PPP2R2B: variants seen among roughly 807,000 people sequenced by gnomAD.
The protein encoded by PPP2R2B is protein phosphatase 2 regulatory subunit Bbeta, also known as serine/threonine-protein phosphatase 2A 55 kDa regulatory subunit B beta isoform.
A neutral mutation model predicts 46.0 loss-of-function variants in PPP2R2B; 5 were observed. That is an observed-to-expected ratio of 0.11 (90% CI 0.06 to 0.23). PPP2R2B has a LOEUF of 0.23. Among genes scored for constraint, PPP2R2B ranks in the 10% least tolerant of loss-of-function variants. The pLI is 1.00. For missense variants in PPP2R2B, 367 were observed against 575.0 expected, an observed-to-expected ratio of 0.64 and a Z score of 3.70; for synonymous variants, 215 against 206.7, an observed-to-expected ratio of 1.04 and a Z score of -0.34.
At chr5:146,658,897 TTA>T (rs927290477) in intron 5 of PPP2R2B, among the ~76,000 whole-genome samples, 1 of 152,222 alleles carries the variant, frequency 6.6e-6, no homozygotes, top group African/African-American at 2.4e-5. Flanking sequence ...TTTGTCAGAA[TTA>T]TATGTTTATG....
intron 2 of PPP2R2B, among the ~76,000 whole-genome samples, chr5:146,732,318 G>A (rs950160538): frequency 9.9e-5 from 15 of 152,170 alleles, no homozygotes; most frequent in Admixed American, 9.8e-4. Context: ...TAATACAAGT[G>A]CTATAGCACT....
At chr5:146,879,290 G>A (rs968402778), upstream of PPP2R2B, 3 of 150,966 alleles carry the variant, frequency 2.0e-5, no homozygotes, top group African/African-American at 7.5e-5. Flanking sequence ...CTTTGCAACT[G>A]GTTCCCCCAT....
chr5:146,722,516 T>C (rs1780870080), intron 2 of PPP2R2B, among the ~76,000 whole-genome samples: 1 of 152,182 alleles, frequency 6.6e-6, no homozygotes, highest in African/African-American at 2.4e-5. Context: ...CCTGGCTGCT[T>C]TGCACAGCCC....
chr5:146,604,798 G>A lies in PPP2R2B; in HGVS notation c.791-4338C>T, dbSNP rs74516470. Among the ~76,000 whole-genome samples the A allele has an allele frequency of 7.9e-3, 1,210 of 152,316 alleles. 21 individuals are homozygous for A. Among genetic ancestry groups the A allele is most frequent in the African/African-American group, 0.027 (1,142 of 41,556 alleles). ...AGGATCATGCAGCTAGGCAGTGGTA[G>A]AGATGGGCTCTTGACTCTGCCCATC... is the stretch of plus-strand genomic sequence containing the variant. On this transcript the variant is annotated intron_variant, in intron 7 of 9. Coordinates refer to ENST00000394411, the MANE Select transcript of PPP2R2B (RefSeq NM_181675.4).
chr5:146,668,782 T>G (rs1351279166), intron 5 of PPP2R2B, among the ~76,000 whole-genome samples: 1 of 152,238 alleles, frequency 6.6e-6, no homozygotes, highest in Non-Finnish European at 1.5e-5. Flanking sequence ...CTTCAAGTTT[T>G]CAAGGTTGTC....
At position 146,912,188 on chromosome 5, in the gene PPP2R2B, G is replaced by A. The variant is rs138786752; in HGVS notation, c.79+143477C>T. Among the ~76,000 whole-genome samples the A allele has an allele frequency of 5.7e-3, 801 of 140,778 alleles. 23 individuals are homozygous for A. The East Asian group carries it at 0.067, about 12-fold the overall frequency. The allele number at this position is 140,778 out of a possible 152,430, so 92.4% of individuals were successfully genotyped here. Reference sequence around the variant, plus strand: ...TCGGAGGTGGAGGTTGCAGTGAGCCGAGATCGCGCCACTGCACTCCAGCCT... The same window carrying A: ...TCGGAGGTGGAGGTTGCAGTGAGCCAAGATCGCGCCACTGCACTCCAGCCT... On this transcript the variant is annotated intron_variant, in intron 1 of 8. Coordinates refer to the PPP2R2B transcript ENST00000336640.
At chr5:146,770,522 G>A (rs766565286) in intron 2 of PPP2R2B, among the ~76,000 whole-genome samples, 2 of 152,026 alleles carry the variant, frequency 1.3e-5, no homozygotes, top group African/African-American at 2.4e-5. Flanking sequence ...TTGGGAAAAT[G>A]TATTAAAAAT....
chr5:146,603,262 C>T (rs1328686601), intron 7 of PPP2R2B, among the ~76,000 whole-genome samples: 1 of 152,210 alleles, frequency 6.6e-6, no homozygotes, highest in Non-Finnish European at 1.5e-5. Context: ...CCAAGGAGTA[C>T]AGAACCTGCG....
At chr5:146,812,019 A>C (rs1022726638) in intron 2 of PPP2R2B, among the ~76,000 whole-genome samples, 2 of 151,978 alleles carry the variant, frequency 1.3e-5, no homozygotes, top group Non-Finnish European at 2.9e-5. Context: ...TTAATCTAAG[A>C]GATCAGGAGC....
rs566007197 is a variant in PPP2R2B, at chr5:146,951,638, G to T, written c.79+104027C>A. 1.3e-4 allele frequency among the ~76,000 whole-genome samples: 20 copies of T among 152,088 alleles called. 1 individual carries two copies. The South Asian group carries it at 3.9e-3, about 30-fold the overall frequency. On this transcript the variant is annotated intron_variant, in intron 1 of 8. Coordinates refer to the PPP2R2B transcript ENST00000336640. ...TGGTTTTCCGTTCCTGTGTTAGTTTGCTGAGGATAATGAGTCCAAGCTTCA... is the reference window on the plus strand; with the variant it reads ...TGGTTTTCCGTTCCTGTGTTAGTTTTCTGAGGATAATGAGTCCAAGCTTCA...
chr5:146,882,871 A>G (rs144025255), upstream of PPP2R2B, among the ~76,000 whole-genome samples: 1,346 of 152,310 alleles, frequency 8.8e-3, 21 homozygotes, highest in African/African-American at 0.031. Context: ...GAAAAGGCCA[A>G]TTACAAATAC....
At chr5:147,004,870 T>G (rs1561570583) in intron 1 of PPP2R2B, among the ~76,000 whole-genome samples, 2 of 152,198 alleles carry the variant, frequency 1.3e-5, no homozygotes, top group Non-Finnish European at 1.5e-5. Context: ...CATACCTAAG[T>G]AAGGAAATTG....
intron 1 of PPP2R2B, among the ~76,000 whole-genome samples, chr5:147,015,427 C>T (rs1213792531): frequency 5.3e-5 from 8 of 151,716 alleles, no homozygotes; most frequent in Non-Finnish European, 5.9e-5. Context: ...TTGCTTTGTG[C>T]GTGCTGTACA....
chr5:147,070,206 C>G (rs770320740), intron 2 of PPP2R2B, among the ~76,000 whole-genome samples: 1 of 152,054 alleles, frequency 6.6e-6, no homozygotes, highest in African/African-American at 2.4e-5. Flanking sequence ...TACCACAGAC[C>G]GTGGCTATTT....
intron 4 of PPP2R2B, among the ~76,000 whole-genome samples, chr5:146,693,783 G>A (rs1779020047): frequency 6.6e-6 from 1 of 152,158 alleles, no homozygotes; most frequent in Non-Finnish European, 1.5e-5. Context: ...TTCTAATAAT[G>A]GTCCGCAAAT....
intron 2 of PPP2R2B, among the ~76,000 whole-genome samples, chr5:146,803,585 C>T (rs1282070460): frequency 2.0e-5 from 3 of 152,020 alleles, no homozygotes; most frequent in Non-Finnish European, 1.5e-5. Context: ...AGTCATGCAG[C>T]TTTATTTAAG....
chr5:146,702,438 A>G (rs1779595685), intron 2 of PPP2R2B, among the ~76,000 whole-genome samples: 3 of 152,162 alleles, frequency 2.0e-5, no homozygotes, highest in Admixed American at 2.0e-4. Flanking sequence ...TTCTTAGATA[A>G]TTGACCTCCT....
At chr5:146,711,950 T>C (rs1780235320) in intron 2 of PPP2R2B, among the ~76,000 whole-genome samples, 2 of 152,208 alleles carry the variant, frequency 1.3e-5, no homozygotes, top group Admixed American at 1.3e-4. Flanking sequence ...TATCCTTGCA[T>C]GCAATAAATC....
At chr5:146,803,853 G>A (rs1757011397) in intron 2 of PPP2R2B, among the ~76,000 whole-genome samples, 1 of 152,168 alleles carries the variant, frequency 6.6e-6, no homozygotes, top group Admixed American at 6.5e-5. Flanking sequence ...TAGTTGTTGT[G>A]AGGAAATCAG....
Sources: allele counts gnomAD v4.1 joint callset (sites outside exome capture counted in the v4.1 genomes callset), GRCh38; gene constraint gnomAD v4.1.1; transcripts MANE v1.5; gene names NCBI Gene and HGNC (gene_info 2026-07-23, HGNC 2026-07-21).